The following HS2ST1 variants were observed in gnomAD, a reference collection of about 807,000 sequenced individuals.
HS2ST1 encodes the protein heparan sulfate 2-O-sulfotransferase 1, also known as 2-O-sulfotransferase.
Under a neutral mutation model 42.9 loss-of-function variants are expected in HS2ST1, and 18 were observed. That is an observed-to-expected ratio of 0.42 (90% CI 0.29 to 0.62). The LOEUF is 0.62. HS2ST1 is among the 20% of genes least tolerant of loss of function. The pLI, the probability that HS2ST1 is intolerant of heterozygous loss-of-function variation, is 0.21. For missense variants in HS2ST1, 334 were observed against 433.8 expected (o/e 0.77, Z 2.04); for synonymous variants, 146 against 152.9 (o/e 0.95, Z 0.33).
chr1:86,957,917 T>C (rs561969602), intron 1 of HS2ST1, among the ~76,000 whole-genome samples: 13 of 151,924 alleles, frequency 8.6e-5, no homozygotes, highest in African/African-American at 2.9e-4. Context: ...CCTAGCCTCC[T>C]GAGTAGCTGG....
rs577616376 is a variant in HS2ST1, at chr1:87,066,610, A to G, written c.125-6324A>G. ...ATTATTATACTTTAAGTTCTGGGGT[A>G]CATGTGCAGAACATGCAGGTTTGTT... is the stretch of plus-strand genomic sequence containing the variant. On this transcript the variant is annotated intron_variant, in intron 1 of 6. Coordinates refer to ENST00000370550, the MANE Select transcript of HS2ST1 (RefSeq NM_012262.4). 5.7e-4 allele frequency among the ~76,000 whole-genome samples: 87 copies of G among 152,220 alleles called. 1 individual carries two copies. Among genetic ancestry groups the G allele is most frequent in the Non-Finnish European group, 1.6e-4 (11 of 68,024 alleles).
intron 1 of HS2ST1, among the ~76,000 whole-genome samples, chr1:87,000,271 A>G (rs907909245): frequency 4.6e-5 from 7 of 152,224 alleles, no homozygotes; most frequent in African/African-American, 1.7e-4. Flanking sequence ...TGGATTATAC[A>G]AATGTAAACT....
chr1:87,046,519 C>T, intron 1 of HS2ST1: 1 of 1,503,102 alleles, frequency 6.7e-7, no homozygotes, highest in Admixed American at 1.7e-5. Context: ...AACTTTTTAC[C>T]AAGCTTTTTA....
At chr1:87,101,634 C>T (rs925570738) in intron 5 of HS2ST1, among the ~76,000 whole-genome samples, 3 of 152,204 alleles carry the variant, frequency 2.0e-5, no homozygotes, top group Non-Finnish European at 4.4e-5. Flanking sequence ...TTTCTGTCAG[C>T]ATTTTTATCA....
At position 87,106,372 on chromosome 1, in the gene HS2ST1, T is replaced by C. The variant is rs1365838139; in HGVS notation, c.*1676T>C. 6.6e-6 allele frequency: 1 copy of C among 152,264 alleles called. No individual in the cohort carries two copies. The highest frequency in any genetic ancestry group is 1.9e-4 in the East Asian group (1 of 5,200). 9.4% of individuals were successfully genotyped at this position (152,264 alleles called of 1,614,324 possible). ...TAGCTGACTAGGGTCAGGGAAACTT[T>C]TCTCTTCAAATTTGAAAGCTGTTTC... On this transcript the variant is annotated 3_prime_UTR_variant, in exon 7 of 7. Coordinates refer to ENST00000370550, the MANE Select transcript of HS2ST1 (RefSeq NM_012262.4).
At chr1:86,949,099 A>C (rs926551807) in intron 1 of HS2ST1, among the ~76,000 whole-genome samples, 1 of 152,116 alleles carries the variant, frequency 6.6e-6, no homozygotes, top group African/African-American at 2.4e-5. Context: ...AATGATAAAA[A>C]ATTTATTTTA....
chr1:87,056,224 C>T (rs554239035), intron 1 of HS2ST1, among the ~76,000 whole-genome samples: 1 of 152,282 alleles, frequency 6.6e-6, no homozygotes, highest in East Asian at 1.9e-4. Flanking sequence ...AAGATTGCCT[C>T]TCGTGTTTGC....
rs115353986 is a variant in HS2ST1, at chr1:86,916,221, C to A, written c.124+1061C>A. On this transcript the variant is annotated intron_variant, in intron 1 of 6. Transcript: ENST00000370550. ...AAAAATGTACATGGCACTTAAAAAT[C>A]AGCTCAAGAGGATGTAATTTGAATA... Among the ~76,000 whole-genome samples the A allele has an allele frequency of 3.5e-3, 528 of 152,260 alleles. 2 individuals carry two copies. Among genetic ancestry groups the A allele is most frequent in the Non-Finnish European group, 4.8e-3 (327 of 68,012 alleles).
chr1:86,983,546 T>A (rs1258768664), intron 1 of HS2ST1, among the ~76,000 whole-genome samples: 1 of 152,076 alleles, frequency 6.6e-6, no homozygotes, highest in Non-Finnish European at 1.5e-5. Flanking sequence ...GATTACAATT[T>A]GAGATGAGAT....
At chr1:87,044,822 G>GT in intron 1 of HS2ST1, 2 of 623,706 alleles carry the variant, frequency 3.2e-6, no homozygotes, top group Admixed American at 3.2e-5. Flanking sequence ...TCATTTTCAA[G>GT]TCACTGGTGT....
chr1:87,061,236 TTTGGTAATTTTTTTGAAGTGA>T (rs1159415189), intron 1 of HS2ST1, among the ~76,000 whole-genome samples: 1 of 152,134 alleles, frequency 6.6e-6, no homozygotes, highest in Admixed American at 6.5e-5. Flanking sequence ...GATCTCAATA[TTTGGTAATTTTTTTGAAGTGA>T]AACAAACATA....
At chr1:87,046,729 G>A in intron 1 of HS2ST1, 2 of 836,674 alleles carry the variant, frequency 2.4e-6, no homozygotes, top group South Asian at 1.8e-5. Context: ...ATTTATTTTT[G>A]AGATGGAGTG....
chr1:86,932,295 A>G (rs549055941), intron 1 of HS2ST1: 2 of 152,268 alleles, frequency 1.3e-5, no homozygotes, highest in African/African-American at 2.4e-5. Context: ...GAGACTGGGA[A>G]AGGTGAGTGT....
intron 1 of HS2ST1, among the ~76,000 whole-genome samples, chr1:86,993,359 T>C (rs1649013347): frequency 6.6e-6 from 1 of 151,792 alleles, no homozygotes; most frequent in Non-Finnish European, 1.5e-5. Flanking sequence ...GTGTTGACTT[T>C]GGTGGGGCGG....
At chr1:87,073,306 G>T in intron 2 of HS2ST1, 134 bp downstream of exon 2, 1 of 666,278 alleles carries the variant, frequency 1.5e-6, no homozygotes, top group Non-Finnish European at 2.6e-6. Flanking sequence ...TAGGGGAGAG[G>T]GCCAGCTAAC....
Position 87,044,987 on chromosome 1 carries a change from T to C in HS2ST1, c.125-27947T>C, listed in dbSNP as rs1217395412. ...CCTTCTGTTCTATACGTGACCTCTTTGCACTGAGATTCTCTTTCTCGTCTG... is the reference window on the plus strand; with the variant it reads ...CCTTCTGTTCTATACGTGACCTCTTCGCACTGAGATTCTCTTTCTCGTCTG... On this transcript the variant is annotated intron_variant, in intron 1 of 6. Transcript: ENST00000370550. The C allele has an allele frequency of 3.6e-5, 57 of 1,591,078 alleles. 1 individual carries two copies. The South Asian group carries it at 5.6e-4, about 16-fold the overall frequency.
chr1:86,985,287 G>A (rs1312555135), intron 1 of HS2ST1, among the ~76,000 whole-genome samples: 2 of 147,776 alleles, frequency 1.4e-5, no homozygotes, highest in East Asian at 4.0e-4. Context: ...CCCAGGAGGT[G>A]GAGCTTGCAG....
chr1:86,942,624 C>T (rs758949502), intron 1 of HS2ST1, among the ~76,000 whole-genome samples: 4 of 152,024 alleles, frequency 2.6e-5, no homozygotes, highest in Admixed American at 6.6e-5. Flanking sequence ...ACTTTTTCTG[C>T]AGCACTGTTT....
chr1:86,915,206 A>C, intron 1 of HS2ST1, 46 bp downstream of exon 1: 1 of 1,564,090 alleles, frequency 6.4e-7, no homozygotes, highest in Non-Finnish European at 8.6e-7. Context: ...GAAGGGGCCG[A>C]GGAGGCGCTG....
Sources: gnomAD v4.1 joint callset for allele counts (sites outside exome capture counted in the v4.1 genomes callset) on GRCh38, gnomAD v4.1.1 for gene constraint, MANE v1.5 for transcripts, NCBI Gene and HGNC (gene_info 2026-07-23, HGNC 2026-07-21) for gene names.